Variants in CFAP210 observed in about 807,000 individuals in gnomAD.
The protein encoded by CFAP210 is cilia- and flagella- associated protein 210.
the CFAP210 span, among the ~76,000 whole-genome samples, chr2:169,653,029 A>AAAT: frequency 1.3e-4 from 5 of 39,956 alleles, no homozygotes; most frequent in African/African-American, 2.4e-4. Context: ...AAAAAAAAAA[A>AAAT]ATATATATAT....
At chr2:169,678,325 G>A in the CFAP210 span, among the ~76,000 whole-genome samples, 1 of 102,040 alleles carries the variant, frequency 9.8e-6, no homozygotes. Context: ...TGGGCAACAA[G>A]AGCGAAACTC....
At chr2:169,645,635 G>T in the CFAP210 span, 7 of 521,430 alleles carry the variant, frequency 1.3e-5, no homozygotes, top group Middle Eastern at 5.1e-4. Context: ...CATTTAAAAA[G>T]TAAACTTGTG....
At chr2:169,688,721 T>C in the CFAP210 span, among the ~76,000 whole-genome samples, 1 of 152,228 alleles carries the variant, frequency 6.6e-6, no homozygotes, top group Non-Finnish European at 1.5e-5. Context: ...TCCATGTCGC[T>C]ATCAGCATTT....
At chr2:169,654,976 G>GA in the CFAP210 span, among the ~76,000 whole-genome samples, 3 of 151,742 alleles carry the variant, frequency 2.0e-5, no homozygotes, top group Non-Finnish European at 4.4e-5. Flanking sequence ...ATACATATAA[G>GA]AAAAAACAGA....
At chr2:169,673,312 C>A in the CFAP210 span, among the ~76,000 whole-genome samples, 2 of 152,224 alleles carry the variant, frequency 1.3e-5, no homozygotes, top group Non-Finnish European at 2.9e-5. Context: ...TGCTGGAAAT[C>A]TGACTGCCAC....
At chr2:169,653,029 A>AATATATATAT in the CFAP210 span, among the ~76,000 whole-genome samples, 132 of 39,906 alleles carry the variant, frequency 3.3e-3, no homozygotes, top group African/African-American at 5.4e-3. Context: ...AAAAAAAAAA[A>AATATATATAT]ATATATATAT....
chr2:169,650,544 G>GTGT, the CFAP210 span: 2 of 1,462,764 alleles, frequency 1.4e-6, no homozygotes, highest in Non-Finnish European at 1.8e-6. Context: ...AACCATACTC[G>GTGT]TCAAATCTTC....
chr2:169,682,562 G>A, the CFAP210 span, among the ~76,000 whole-genome samples: 1 of 152,060 alleles, frequency 6.6e-6, no homozygotes, highest in African/African-American at 2.4e-5. Context: ...TATAAATCTG[G>A]CATATGTAAA....
chr2:169,679,980 G>A, the CFAP210 span, among the ~76,000 whole-genome samples: 1 of 152,094 alleles, frequency 6.6e-6, no homozygotes, highest in Non-Finnish European at 1.5e-5. Context: ...GAAAAGTCAA[G>A]ATATAGAGTG....
the CFAP210 span, among the ~76,000 whole-genome samples, chr2:169,681,505 T>C: frequency 6.6e-6 from 1 of 152,194 alleles, no homozygotes; most frequent in Admixed American, 6.5e-5. Context: ...ATCCTCATCT[T>C]TAAAATAGAG....
the CFAP210 span, among the ~76,000 whole-genome samples, chr2:169,675,557 C>T: frequency 1.3e-5 from 2 of 152,154 alleles, no homozygotes; most frequent in Non-Finnish European, 2.9e-5. Flanking sequence ...GTCACTATTT[C>T]GAGGACAGTA....
chr2:169,674,451 C>A, the CFAP210 span: 1 of 756,408 alleles, frequency 1.3e-6, no homozygotes, highest in Non-Finnish European at 2.0e-6. Flanking sequence ...CGATTTTTAA[C>A]CTCCTTTTTG....
chr2:169,692,869 T>C, the CFAP210 span, among the ~76,000 whole-genome samples: 1 of 152,234 alleles, frequency 6.6e-6, no homozygotes, highest in African/African-American at 2.4e-5. Context: ...TTTTTCACTG[T>C]GATTACTGTG....
chr2:169,653,056 A>ATATATATATG, the CFAP210 span, among the ~76,000 whole-genome samples: 4 of 101,994 alleles, frequency 3.9e-5, no homozygotes, highest in African/African-American at 1.5e-4. Context: ...ATATATATAT[A>ATATATATATG]TATATATATA....
At chr2:169,664,315 T>G in the CFAP210 span, among the ~76,000 whole-genome samples, 1 of 152,186 alleles carries the variant, frequency 6.6e-6, no homozygotes, top group Non-Finnish European at 1.5e-5. Context: ...TACTTTAAAA[T>G]TTTTCAGCTT....
chr2:169,649,270 T>C, the CFAP210 span: 6 of 1,613,828 alleles, frequency 3.7e-6, no homozygotes, highest in African/African-American at 6.7e-5. Flanking sequence ...GAAAATCTGA[T>C]CTGCTTTCAT....
the CFAP210 span, among the ~76,000 whole-genome samples, chr2:169,668,821 A>G: frequency 7.2e-5 from 11 of 152,334 alleles, no homozygotes; most frequent in Non-Finnish European, 1.2e-4. Context: ...ACAGATCACC[A>G]TAATAGATAC....
At chr2:169,653,197 C>A in the CFAP210 span, among the ~76,000 whole-genome samples, 5 of 150,010 alleles carry the variant, frequency 3.3e-5, no homozygotes, top group African/African-American at 4.9e-5. Context: ...TCAGAGAAAG[C>A]CTCAATGAGA....
the CFAP210 span, among the ~76,000 whole-genome samples, chr2:169,683,197 C>T: frequency 1.3e-5 from 2 of 152,074 alleles, no homozygotes; most frequent in East Asian, 1.9e-4. Flanking sequence ...AACCTCTGCA[C>T]GCAAAATAAA....
Sources: allele counts gnomAD v4.1 joint callset (sites outside exome capture counted in the v4.1 genomes callset), GRCh38; gene constraint gnomAD v4.1.1; transcripts MANE v1.5; gene names NCBI Gene and HGNC (gene_info 2026-07-23, HGNC 2026-07-21).